EYS: variants seen among roughly 807,000 people sequenced by gnomAD.
The protein encoded by EYS is protein eyes shut homolog.
EYS carries 250 observed loss-of-function variants against 282.1 expected under a neutral mutation model. The ratio of observed to expected loss-of-function variants is 0.89; its 90% confidence interval spans 0.80 to 0.98. The LOEUF (loss-of-function observed/expected upper bound fraction) is 0.98, where lower values mean the gene tolerates loss of function less well. Ranked by LOEUF, EYS falls within the 50% of genes least tolerant of loss-of-function variation. The pLI, the probability that EYS is intolerant of heterozygous loss-of-function variation, is 0.00. For missense variants in EYS, 4,016 were observed against 3,709.0 expected, an observed-to-expected ratio of 1.08 and a Z score of -2.15; for synonymous variants, 1,355 against 1,282.9, an observed-to-expected ratio of 1.06 and a Z score of -1.20.
At chr6:64,728,422 C>T (rs547646069) in intron 22 of EYS, among the ~76,000 whole-genome samples, 1 of 152,204 alleles carries the variant, frequency 6.6e-6, no homozygotes, top group East Asian at 1.9e-4. Flanking sequence ...GCAAGCTCTG[C>T]CTCCCGGGTT....
rs71572522 is a variant in EYS, at chr6:65,321,074, C to T, written c.1766+13906G>A. Among the ~76,000 whole-genome samples, 1,388 of 152,054 alleles carry T rather than the reference C, an allele frequency of 9.1e-3. 12 individuals carry two copies. Among genetic ancestry groups the T allele is most frequent in the Non-Finnish European group, 0.017 (1,130 of 67,990 alleles). On this transcript the variant is annotated intron_variant, in intron 11 of 42. Coordinates refer to ENST00000503581, the MANE Select transcript of EYS (RefSeq NM_001142800.2). ...TTGTCTCAGGTCTGCTGTTGGATAA[C>T]TCAACCCATGGCAGTGCTCTGTAAG...
At chr6:64,981,823 C>A (rs115972028) in intron 14 of EYS, among the ~76,000 whole-genome samples, 2,363 of 151,340 alleles carry the variant, frequency 0.016, 63 homozygotes, top group African/African-American at 0.054. Flanking sequence ...TAATTGGATA[C>A]AAAATGGAGG....
chr6:65,598,894 T>C (rs571567652), intron 2 of EYS, among the ~76,000 whole-genome samples: 6 of 152,270 alleles, frequency 3.9e-5, no homozygotes, highest in African/African-American at 1.2e-4. Context: ...GTAGTAATAG[T>C]ATGAGTTAGG....
intron 31 of EYS, among the ~76,000 whole-genome samples, chr6:64,131,146 C>T (rs1773964720): frequency 6.6e-6 from 1 of 152,134 alleles, no homozygotes; most frequent in Admixed American, 6.5e-5. Flanking sequence ...GGATTACAGG[C>T]ATGAGCCACT....
At chr6:64,602,480 A>T (rs972945419) in intron 24 of EYS, among the ~76,000 whole-genome samples, 2 of 152,086 alleles carry the variant, frequency 1.3e-5, no homozygotes, top group African/African-American at 4.8e-5. Flanking sequence ...AATAAGGGCC[A>T]CATCATGTGA....
intron 28 of EYS, among the ~76,000 whole-genome samples, chr6:64,427,053 A>AT (rs1375247576): frequency 6.6e-6 from 1 of 152,080 alleles, no homozygotes; most frequent in Non-Finnish European, 1.5e-5. Context: ...AACTAGATCA[A>AT]TTTTTCTTTT....
intron 8 of EYS, among the ~76,000 whole-genome samples, chr6:65,370,580 C>A (rs1325860321): frequency 6.6e-6 from 1 of 151,682 alleles, no homozygotes; most frequent in Non-Finnish European, 1.5e-5. Context: ...TATTTTTTGA[C>A]ATAAAACCAT....
At chr6:63,911,616 A>C (rs1182126126) in intron 35 of EYS, among the ~76,000 whole-genome samples, 1 of 152,226 alleles carries the variant, frequency 6.6e-6, no homozygotes, top group Non-Finnish European at 1.5e-5. Flanking sequence ...TTTGGACAGT[A>C]TGACCTGGGT....
intron 33 of EYS, among the ~76,000 whole-genome samples, chr6:64,035,095 G>C (rs1453260870): frequency 2.4e-4 from 37 of 152,146 alleles, no homozygotes; most frequent in Admixed American, 2.4e-3. Flanking sequence ...CTGAACACGT[G>C]GCAGTACACA....
chr6:64,577,500 TCA>T (rs137964045), intron 26 of EYS, among the ~76,000 whole-genome samples: 87 of 150,568 alleles, frequency 5.8e-4, no homozygotes, highest in Admixed American at 3.5e-3. Context: ...ACACACACAC[TCA>T]CACACACACA....
In EYS at chr6:63,788,249, C is replaced by T; in HGVS notation, c.7579G>A (p.Val2527Ile). 1 of 1,526,888 alleles carries T rather than the reference C, an allele frequency of 6.5e-7. No individual in the cohort carries two copies. The highest frequency in any genetic ancestry group is 1.4e-5 in the African/African-American group (1 of 71,512). 94.6% of individuals were successfully genotyped at this position (1,526,888 alleles called of 1,614,324 possible). The change falls in exon 39 of 43, where the codon GTA becomes ATA. Residue 2527 changes from valine to isoleucine, a missense_variant and splice_region_variant. By Grantham distance (29) the Val-to-Ile change is conservative. Coordinates refer to ENST00000503581, the MANE Select transcript of EYS (RefSeq NM_001142800.2). ...GKFFQEGWLK[V>I]DDHKNKSIIA... is the part of the protein sequence containing the mutation. ...ATGGATTTATTTTTATGATCATCTACCTTCGAAAGGGAAAAAAAACCTATT... is the reference window on the plus strand; with the variant it reads ...ATGGATTTATTTTTATGATCATCTATCTTCGAAAGGGAAAAAAAACCTATT...
intron 9 of EYS, among the ~76,000 whole-genome samples, chr6:65,352,378 A>C (rs1420067486): frequency 1.3e-5 from 2 of 151,934 alleles, no homozygotes; most frequent in African/African-American, 4.8e-5. Flanking sequence ...ATATTCTTTA[A>C]AAGAATGAAA....
Position 64,568,196 on chromosome 6 carries a change from A to C in EYS, c.5644+22027T>G, listed in dbSNP as rs572482102. 4.6e-5 allele frequency among the ~76,000 whole-genome samples: 7 copies of C among 152,288 alleles called. No homozygotes were observed. In the East Asian group the frequency reaches 1.4e-3, roughly 29 times the overall value. On this transcript the variant is annotated intron_variant, in intron 26 of 42. Transcript: ENST00000503581. Reference sequence around the variant, plus strand: ...TGAGGAAACTATGGGGTTTGGAAAAAACCACCAGAAAAGAACAGACCCAAC... The same window carrying C: ...TGAGGAAACTATGGGGTTTGGAAAACACCACCAGAAAAGAACAGACCCAAC...
At chr6:65,434,204 A>T (rs1023027716) in intron 5 of EYS, among the ~76,000 whole-genome samples, 1 of 152,234 alleles carries the variant, frequency 6.6e-6, no homozygotes, top group Admixed American at 6.5e-5. Context: ...GACGTAAGTC[A>T]TTATCCAGAG....
chr6:65,460,040 C>A (rs1764771556), intron 5 of EYS, among the ~76,000 whole-genome samples: 3 of 120,556 alleles, frequency 2.5e-5, no homozygotes, highest in South Asian at 2.7e-4. Context: ...TAATATATAT[C>A]ACTGATATAT....
intron 8 of EYS, among the ~76,000 whole-genome samples, chr6:65,382,029 TATG>T (rs143647538): frequency 0.027 from 4,093 of 151,968 alleles, 67 homozygotes; most frequent in African/African-American, 0.049. Context: ...ATACCTCTAT[TATG>T]ATTATGTTTA....
chr6:64,247,666 G>A (rs895130904), intron 30 of EYS, among the ~76,000 whole-genome samples: 1 of 152,066 alleles, frequency 6.6e-6, no homozygotes, highest in African/African-American at 2.4e-5. Context: ...TTGTAATATT[G>A]CATAATGCAT....
At chr6:64,234,037 C>T (rs192198825) in intron 30 of EYS, among the ~76,000 whole-genome samples, 2 of 152,186 alleles carry the variant, frequency 1.3e-5, no homozygotes, top group African/African-American at 2.4e-5. Flanking sequence ...TATGTGCCTA[C>T]GAACCTGGCT....
chr6:64,546,324 G>C (rs58237458), intron 26 of EYS, among the ~76,000 whole-genome samples: 6,174 of 152,228 alleles, frequency 0.041, 267 homozygotes, highest in East Asian at 0.11. Context: ...GCCATATGTA[G>C]AAAGCTGAAA....
Sources: allele counts gnomAD v4.1 joint callset (sites outside exome capture counted in the v4.1 genomes callset), GRCh38; gene constraint gnomAD v4.1.1; transcripts MANE v1.5; gene names NCBI Gene and HGNC (gene_info 2026-07-23, HGNC 2026-07-21).